Variants in MCTP1 observed in about 807,000 individuals in gnomAD.
The protein encoded by MCTP1 is multiple C2 and transmembrane domain containing 1.
In MCTP1, 69 loss-of-function variants were observed where a neutral mutation model predicts 120.6. That is an observed-to-expected ratio of 0.57 (90% CI 0.47 to 0.70). The LOEUF (loss-of-function observed/expected upper bound fraction) is 0.70, where lower values mean the gene tolerates loss of function less well. MCTP1 is among the 30% of genes least tolerant of loss of function. The probability of loss-of-function intolerance (pLI) is 0.00; values close to 1 mark genes in which losing one functional copy is unlikely to be tolerated. For missense variants in MCTP1, 1,203 were observed against 1,248.8 expected (o/e 0.96, Z 0.55); for synonymous variants, 529 against 493.1 (o/e 1.07, Z -0.96).
At chr5:95,186,452 T>C (rs1230654247) in intron 1 of MCTP1, among the ~76,000 whole-genome samples, 3 of 151,990 alleles carry the variant, frequency 2.0e-5, no homozygotes, top group Admixed American at 6.6e-5. Context: ...TACTTAAAAA[T>C]ATATTAAGAA....
chr5:95,260,566 C>T (rs1205594444), intron 1 of MCTP1, among the ~76,000 whole-genome samples: 1 of 151,810 alleles, frequency 6.6e-6, no homozygotes, highest in Non-Finnish European at 1.5e-5. Flanking sequence ...CCTCCATAGT[C>T]TGGTGAGTGT....
intron 1 of MCTP1, among the ~76,000 whole-genome samples, chr5:95,216,648 G>A (rs1358686404): frequency 6.6e-6 from 1 of 150,486 alleles, no homozygotes; most frequent in Non-Finnish European, 1.5e-5. Flanking sequence ...GCTATGGCAA[G>A]AGACATAAGG....
At chr5:94,826,365 A>G (rs554974353) in intron 17 of MCTP1, 8 of 578,400 alleles carry the variant, frequency 1.4e-5, no homozygotes, top group African/African-American at 9.4e-5. Flanking sequence ...GAAGGCAAAG[A>G]AGCTGCAACA....
chr5:95,171,635 T>A (rs1384543721), intron 1 of MCTP1, among the ~76,000 whole-genome samples: 1 of 152,216 alleles, frequency 6.6e-6, no homozygotes, highest in Non-Finnish European at 1.5e-5. Context: ...TCTCTAAACT[T>A]CTCTTCTCGC....
intron 1 of MCTP1, among the ~76,000 whole-genome samples, chr5:95,044,332 C>T (rs1842820629): frequency 6.6e-6 from 1 of 152,230 alleles, no homozygotes; most frequent in Admixed American, 6.5e-5. Flanking sequence ...CTTTTTCTCT[C>T]TTTCTGGCAG....
chr5:94,899,380 C>G (rs980574137), intron 10 of MCTP1, among the ~76,000 whole-genome samples: 3 of 152,228 alleles, frequency 2.0e-5, no homozygotes, highest in Non-Finnish European at 4.4e-5. Context: ...CCATGACCAA[C>G]TGACTGTGCT....
chr5:95,063,202 T>C (rs1437003401), intron 1 of MCTP1, among the ~76,000 whole-genome samples: 1 of 152,222 alleles, frequency 6.6e-6, no homozygotes, highest in Non-Finnish European at 1.5e-5. Context: ...TTAGCTCTCC[T>C]ACAGATGAAA....
chr5:95,012,773 T>C (rs1396341172), intron 2 of MCTP1, among the ~76,000 whole-genome samples: 1 of 152,072 alleles, frequency 6.6e-6, no homozygotes, highest in Non-Finnish European at 1.5e-5. Context: ...CTGTTATCCA[T>C]CTCTCTCCTT....
intron 17 of MCTP1, among the ~76,000 whole-genome samples, chr5:94,823,978 T>C (rs763925132): frequency 6.6e-6 from 1 of 152,238 alleles, no homozygotes; most frequent in Non-Finnish European, 1.5e-5. Context: ...TATACAATCA[T>C]GTCATCTGCA....
chr5:94,891,667 C>G (rs1802634267), intron 11 of MCTP1, among the ~76,000 whole-genome samples: 1 of 151,738 alleles, frequency 6.6e-6, no homozygotes, highest in African/African-American at 2.4e-5. Flanking sequence ...GTTTCATTTC[C>G]CCAAGTCAGC....
At chr5:94,762,008 GA>G (rs1162677285) in intron 19 of MCTP1, among the ~76,000 whole-genome samples, 1 of 152,222 alleles carries the variant, frequency 6.6e-6, no homozygotes, top group Non-Finnish European at 1.5e-5. Context: ...GAGCCTTTTA[GA>G]TGGCTGCAGT....
intron 17 of MCTP1, among the ~76,000 whole-genome samples, chr5:94,866,548 T>C (rs1796851055): frequency 9.2e-5 from 1 of 10,924 alleles, no homozygotes; most frequent in Non-Finnish European, 3.3e-4. Context: ...GATTCCCTCT[T>C]TTTTTTTTTT....
chr5:94,731,604 A>G (rs1763141958), intron 19 of MCTP1, among the ~76,000 whole-genome samples: 1 of 152,188 alleles, frequency 6.6e-6, no homozygotes, highest in Admixed American at 6.5e-5. Flanking sequence ...TAAGCAGGAA[A>G]GTTACAACAA....
At chr5:95,219,399 AT>A (rs1333221113) in intron 1 of MCTP1, among the ~76,000 whole-genome samples, 15 of 151,810 alleles carry the variant, frequency 9.9e-5, no homozygotes, top group Admixed American at 2.0e-4. Context: ...AAAAAAAAAA[AT>A]CCTTTTAAAA....
chr5:95,167,425 G>C (rs1013552300), intron 1 of MCTP1, among the ~76,000 whole-genome samples: 2 of 152,186 alleles, frequency 1.3e-5, no homozygotes, highest in East Asian at 3.8e-4. Flanking sequence ...TATATACCCA[G>C]TAATGGGATG....
At chr5:95,126,114 G>A (rs1364713173) in intron 1 of MCTP1, among the ~76,000 whole-genome samples, 1 of 152,140 alleles carries the variant, frequency 6.6e-6, no homozygotes, top group East Asian at 1.9e-4. Flanking sequence ...GCTATGGGGG[G>A]AGAAAAGGGA....
At chr5:95,015,142 A>T (rs1056591274) in intron 2 of MCTP1, among the ~76,000 whole-genome samples, 1 of 152,218 alleles carries the variant, frequency 6.6e-6, no homozygotes, top group Middle Eastern at 3.4e-3. Context: ...TATAACTTTT[A>T]TATGCACTGG....
intron 17 of MCTP1, among the ~76,000 whole-genome samples, chr5:94,824,593 A>C (rs908561666): frequency 3.3e-5 from 5 of 152,306 alleles, no homozygotes; most frequent in African/African-American, 9.6e-5. Context: ...ATTGCTTGGA[A>C]TAGTTTCAGA....
intron 1 of MCTP1, among the ~76,000 whole-genome samples, chr5:95,171,041 G>C (rs988971261): frequency 6.6e-6 from 1 of 152,042 alleles, no homozygotes; most frequent in Non-Finnish European, 1.5e-5. Flanking sequence ...TTTTGCAGTG[G>C]CTGGTACCAG....
Sources: allele counts gnomAD v4.1 joint callset (sites outside exome capture counted in the v4.1 genomes callset), GRCh38; gene constraint gnomAD v4.1.1; transcripts MANE v1.5; gene names NCBI Gene and HGNC (gene_info 2026-07-23, HGNC 2026-07-21).